DPP6: variants seen among roughly 807,000 people sequenced by gnomAD.
DPP6 encodes A-type potassium channel modulatory protein DPP6.
Under a neutral mutation model 122.6 loss-of-function variants are expected in DPP6, and 69 were observed. The observed-to-expected ratio is 0.56, with a 90% CI of 0.46 to 0.69. The LOEUF is 0.69. DPP6 is among the 30% of genes least tolerant of loss of function. The probability of loss-of-function intolerance (pLI) is 0.00; values close to 1 mark genes in which losing one functional copy is unlikely to be tolerated. For missense variants in DPP6, 928 were observed against 1,116.9 expected (o/e 0.83, Z 2.41); for synonymous variants, 418 against 433.1 (o/e 0.97, Z 0.43).
intron 8 of DPP6, among the ~76,000 whole-genome samples, chr7:154,739,488 C>T (rs550763318): frequency 9.2e-5 from 14 of 152,206 alleles, no homozygotes; most frequent in South Asian, 4.1e-4. Context: ...ATTGTCTGCC[C>T]GGATCACAAA....
chr7:154,485,682 C>T (rs1197740268), intron 3 of DPP6, among the ~76,000 whole-genome samples: 2 of 152,194 alleles, frequency 1.3e-5, no homozygotes, highest in South Asian at 2.1e-4. Flanking sequence ...TATCATTTAG[C>T]GCCAGCAGCA....
At chr7:154,040,547 G>A (rs1799706491) in intron 1 of DPP6, among the ~76,000 whole-genome samples, 1 of 146,658 alleles carries the variant, frequency 6.8e-6, no homozygotes, top group Non-Finnish European at 1.5e-5. Flanking sequence ...TAAATATGGA[G>A]CGAGGCTCAC....
chr7:154,750,047 A>G (rs1843294976), intron 8 of DPP6, among the ~76,000 whole-genome samples: 1 of 152,102 alleles, frequency 6.6e-6, no homozygotes, highest in Admixed American at 6.5e-5. Context: ...GTGAGGAAGC[A>G]TAGGACGGAA....
At chr7:154,297,101 G>T (rs77985812) in intron 1 of DPP6, among the ~76,000 whole-genome samples, 7 of 148,700 alleles carry the variant, frequency 4.7e-5, no homozygotes, top group African/African-American at 1.5e-4. Context: ...TTTGGAGGGT[G>T]AGGGATAGCC....
the DPP6 span, among the ~76,000 whole-genome samples, chr7:153,820,093 A>T: frequency 4.6e-5 from 7 of 152,176 alleles, no homozygotes; most frequent in Non-Finnish European, 1.0e-4. Flanking sequence ...AAATGTTTTT[A>T]ATTGATTTTC....
intron 3 of DPP6, among the ~76,000 whole-genome samples, chr7:154,509,936 G>T (rs1220664547): frequency 6.6e-6 from 1 of 152,078 alleles, no homozygotes; most frequent in African/African-American, 2.4e-5. Flanking sequence ...GGGGTGAGGG[G>T]CATGGGGGCA....
At position 154,207,952 on chromosome 7, in the gene DPP6, CA is replaced by C. The variant is rs199673849; in HGVS notation, c.243+154904del. 6.3e-3 allele frequency among the ~76,000 whole-genome samples: 717 copies of C among 113,888 alleles called. 2 individuals carry two copies. Among genetic ancestry groups the C allele is most frequent in the African/African-American group, 0.015 (426 of 28,260 alleles). 74.7% of individuals were successfully genotyped at this position (113,888 alleles called of 152,430 possible). The stretch of plus-strand genomic sequence containing the variant: ...CCTGGGCAACAGAGTGAGACTGCCT[CA>C]AAAAAAAAAAAAAATTTAAGAATAT... On this transcript the variant is annotated intron_variant, in intron 1 of 25. Transcript: ENST00000377770.
At chr7:154,791,085 C>T (rs775233860) in intron 10 of DPP6, among the ~76,000 whole-genome samples, 1 of 151,998 alleles carries the variant, frequency 6.6e-6, no homozygotes, top group East Asian at 1.9e-4. Context: ...AACCCCATCT[C>T]TACTAAAAAC....
chr7:153,970,621 T>A (rs1347728435), intron 1 of DPP6, among the ~76,000 whole-genome samples: 1 of 152,226 alleles, frequency 6.6e-6, no homozygotes, highest in Non-Finnish European at 1.5e-5. Flanking sequence ...TTTGTAGTTT[T>A]AATTTGCACA....
At chr7:154,204,995 T>G (rs1799364064) in intron 1 of DPP6, among the ~76,000 whole-genome samples, 1 of 152,162 alleles carries the variant, frequency 6.6e-6, no homozygotes, top group South Asian at 2.1e-4. Context: ...CATAGCCTGC[T>G]CCAATCTTTA....
At chr7:154,812,487 G>T (rs1194766592) in intron 16 of DPP6, among the ~76,000 whole-genome samples, 1 of 152,154 alleles carries the variant, frequency 6.6e-6, no homozygotes, top group South Asian at 2.1e-4. Flanking sequence ...TACCAGCATG[G>T]TTGATTCTGG....
chr7:153,908,155 G>C (rs1799931867), intron 1 of DPP6, among the ~76,000 whole-genome samples: 1 of 150,890 alleles, frequency 6.6e-6, no homozygotes, highest in South Asian at 2.1e-4. Context: ...TAGCTTCCGT[G>C]CATCACCACT....
rs1833088741 is a variant in DPP6 at position 154,596,331 on chromosome 7, G to A, written c.627+29415G>A. Among the ~76,000 whole-genome samples the A allele has an allele frequency of 2.0e-5, 3 of 152,324 alleles. No homozygotes were observed. The South Asian group carries it at 6.2e-4, about 32-fold the overall frequency. ...CTGCTGCTGGATGAGTGTGTATTTG[G>A]GGGCTCTGAGGGATGGAGAAGGAGA... On this transcript the variant is annotated intron_variant, in intron 5 of 25. Coordinates refer to ENST00000377770, the MANE Select transcript of DPP6 (RefSeq NM_130797.4).
chr7:154,889,853 TGG>T, intron 25 of DPP6: 1 of 356,480 alleles, frequency 2.8e-6, no homozygotes, highest in Non-Finnish European at 5.1e-6. Flanking sequence ...GCAGTGTGGC[TGG>T]GGCTATCCCG....
the DPP6 span, among the ~76,000 whole-genome samples, chr7:153,787,378 C>T: frequency 7.4e-5 from 11 of 148,166 alleles, no homozygotes; most frequent in South Asian, 2.0e-3. Context: ...CCCTAACAGT[C>T]GTTCTCCAGA....
At chr7:154,174,859 C>T (rs1214248267) in intron 1 of DPP6, among the ~76,000 whole-genome samples, 1 of 151,080 alleles carries the variant, frequency 6.6e-6, no homozygotes, top group African/African-American at 2.4e-5. Context: ...TCTTCACAGC[C>T]CAATTTCTTT....
the DPP6 span, among the ~76,000 whole-genome samples, chr7:153,775,539 TTTTA>T: frequency 0.012 from 1,867 of 151,888 alleles, 38 homozygotes; most frequent in African/African-American, 0.043. Context: ...ATTAATAGTA[TTTTA>T]TTTATTTATA....
At chr7:154,795,951 G>T in intron 12 of DPP6, 68 bp downstream of exon 12, 1 of 1,555,612 alleles carries the variant, frequency 6.4e-7, no homozygotes, top group Admixed American at 2.1e-5. Flanking sequence ...GGCCCTCAGA[G>T]CTTCGACAAC....
chr7:154,259,439 G>C (rs1375067643), intron 1 of DPP6, among the ~76,000 whole-genome samples: 1 of 152,140 alleles, frequency 6.6e-6, no homozygotes, highest in Non-Finnish European at 1.5e-5. Flanking sequence ...AGGGGCCGCT[G>C]GGGCAGTCAA....
Sources: allele counts gnomAD v4.1 joint callset (sites outside exome capture counted in the v4.1 genomes callset), GRCh38; gene constraint gnomAD v4.1.1; transcripts MANE v1.5; gene names NCBI Gene and HGNC (gene_info 2026-07-23, HGNC 2026-07-21).